Variants in EHMT1 observed in about 807,000 individuals in gnomAD.
The protein encoded by EHMT1 is euchromatic histone lysine methyltransferase 1.
Under a neutral mutation model 147.2 loss-of-function variants are expected in EHMT1, and 15 were observed. The observed-to-expected ratio is 0.10, with a 90% CI of 0.07 to 0.16. EHMT1 has a LOEUF of 0.16. Among genes scored for constraint, EHMT1 ranks in the 10% least tolerant of loss-of-function variants. The pLI, the probability that EHMT1 is intolerant of heterozygous loss-of-function variation, is 1.00. For missense variants in EHMT1, 1,587 were observed against 1,772.4 expected, an observed-to-expected ratio of 0.90 and a Z score of 1.88; for synonymous variants, 795 against 709.6, an observed-to-expected ratio of 1.12 and a Z score of -1.91.
At chr9:137,821,571 A>G (rs1312287350) in intron 25 of EHMT1, among the ~76,000 whole-genome samples, 2 of 151,832 alleles carry the variant, frequency 1.3e-5, no homozygotes, top group African/African-American at 2.4e-5. Flanking sequence ...GCCTCAGGCA[A>G]TCCTCCCACC....
At chr9:137,743,192 C>G in intron 4 of EHMT1, 179 bp from the exon 5 acceptor site, 1 of 647,248 alleles carries the variant, frequency 1.5e-6, no homozygotes, top group East Asian at 2.9e-5. Context: ...GTGAATTGAT[C>G]GTGAGGGAAG....
intron 10 of EHMT1, among the ~76,000 whole-genome samples, chr9:137,773,333 A>AT (rs1950714409): frequency 6.6e-6 from 1 of 150,912 alleles, no homozygotes; most frequent in African/African-American, 2.4e-5. Context: ...TGGAGGGGGC[A>AT]TTTTTTCAGG....
intron 14 of EHMT1, among the ~76,000 whole-genome samples, chr9:137,781,795 T>C (rs1337240268): frequency 2.0e-5 from 3 of 152,204 alleles, no homozygotes; most frequent in Non-Finnish European, 4.4e-5. Flanking sequence ...GGTTTATTTA[T>C]GTTGACCAGC....
In EHMT1 at chr9:137,813,141, C is replaced by T. The variant is rs1208722946; in HGVS notation, c.3003C>T (p.Asp1001=). The part of the protein sequence containing the change: ...MSKALQDSAP[D]RPSPVERIVS... ...AGGCTCTGCAGGACTCGGCCCCCGA[C>T]AGGCCCAGCCCCGTGGAGAGGATAG... Residue 1001 remains aspartate (D), a synonymous_variant, in exon 20 of 27, where the codon GAC becomes GAT. Transcript: ENST00000460843. The surrounding 1 kb of genome is among the most constrained non-coding windows in gnomAD (Gnocchi z 4.9). 2 of 1,611,800 alleles carry T rather than the reference C, an allele frequency of 1.2e-6. No individual in the cohort carries two copies. Among genetic ancestry groups the T allele is most frequent in the Non-Finnish European group, 1.7e-6 (2 of 1,180,008 alleles).
At chr9:137,750,910 A>G (rs574207648) in intron 6 of EHMT1, among the ~76,000 whole-genome samples, 21 of 152,276 alleles carry the variant, frequency 1.4e-4, no homozygotes, top group African/African-American at 4.1e-4. Flanking sequence ...TTTAATAACT[A>G]TGGTTGGGCC....
chr9:137,795,551 C>T (rs1036180885), intron 16 of EHMT1, among the ~76,000 whole-genome samples: 2 of 152,176 alleles, frequency 1.3e-5, no homozygotes, highest in East Asian at 1.9e-4. Context: ...ATTGAGGTAC[C>T]TGGAGAAAAC....
At chr9:137,721,610 C>A (rs1946061246) in intron 3 of EHMT1, among the ~76,000 whole-genome samples, 1 of 146,818 alleles carries the variant, frequency 6.8e-6, no homozygotes, top group Middle Eastern at 3.2e-3. Flanking sequence ...CCCTCTCCTA[C>A]ATCTCTCACC....
At chr9:137,763,314 G>C (rs985556634) in intron 10 of EHMT1, 1 of 236,418 alleles carries the variant, frequency 4.2e-6, no homozygotes, top group Non-Finnish European at 8.4e-6. Flanking sequence ...GGGGGGATCA[G>C]GCAGAGCACA....
chr9:137,820,069 T>C (rs1241978107), intron 25 of EHMT1: 1 of 152,222 alleles, frequency 6.6e-6, no homozygotes, highest in Non-Finnish European at 1.5e-5. Flanking sequence ...ATAAATCTTA[T>C]ACCTGGAGAA....
chr9:137,715,741 C>T (rs1369138539), intron 2 of EHMT1: 1 of 985,316 alleles, frequency 1.0e-6, no homozygotes, highest in Non-Finnish European at 1.2e-6. Context: ...GAGTGGAGAG[C>T]AGACCACGGA....
chr9:137,808,771 T>C (rs1333578810), intron 18 of EHMT1, among the ~76,000 whole-genome samples: 2 of 151,712 alleles, frequency 1.3e-5, no homozygotes, highest in East Asian at 3.9e-4. Flanking sequence ...AAATACAAAA[T>C]GATGAGCTGG....
Position 137,813,127 on chromosome 9 carries a change from G to A in EHMT1, c.2989G>A (p.Asp997Asn). The A allele has an allele frequency of 6.2e-7, 1 of 1,612,634 alleles. No individual in the cohort carries two copies. The highest frequency in any genetic ancestry group is 8.5e-7 in the Non-Finnish European group (1 of 1,180,018). ...SALQMSKALQ[D>N]SAPDRPSPVE... ...TCTGCAGATGAGCAAGGCTCTGCAGGACTCGGCCCCCGACAGGCCCAGCCC... is the reference window on the plus strand; with the variant it reads ...TCTGCAGATGAGCAAGGCTCTGCAGAACTCGGCCCCCGACAGGCCCAGCCC... Residue 997 changes from aspartate to asparagine, a missense_variant, in exon 20 of 27, where the codon GAC becomes AAC. This residue lies in a region of EHMT1 where 78 missense variants were observed against 68.9 expected (regional missense o/e 1.13). Coordinates refer to ENST00000460843, the MANE Select transcript of EHMT1 (RefSeq NM_024757.5). This position sits in a 1 kb window ranked among gnomAD's most constrained non-coding sequence, Gnocchi z 4.9.
In EHMT1 at chr9:137,811,353, T is replaced by G. The variant is rs73669182; in HGVS notation, c.2713-108T>G. Reference sequence around the variant, plus strand: ...TGGCCCTGCTGCGGACGGCCACGCATGCTCCAGAGCCTCTCCCCGGGCACA... The same window carrying G: ...TGGCCCTGCTGCGGACGGCCACGCAGGCTCCAGAGCCTCTCCCCGGGCACA... On this transcript the variant is annotated intron_variant, in intron 18 of 26. Transcript: ENST00000460843. 3 of 1,521,804 alleles carry G rather than the reference T, an allele frequency of 2.0e-6. No homozygotes were observed. The African/African-American group carries it at 4.1e-5, about 21-fold the overall frequency. The allele number at this position is 1,521,804 out of a possible 1,614,324, so 94.3% of individuals were successfully genotyped here.
chr9:137,816,080 GC>G lies in EHMT1; in HGVS notation c.3374+20del. ...GGTCTCAGGTGAGAGGCAGCTTCCTGCCGGAGCCCCACATTCTGCTCGTATT... is the reference window on the plus strand; with the variant it reads ...GGTCTCAGGTGAGAGGCAGCTTCCTGCGGAGCCCCACATTCTGCTCGTATT... On this transcript the variant is annotated intron_variant, in intron 23 of 26. Coordinates refer to ENST00000460843, the MANE Select transcript of EHMT1 (RefSeq NM_024757.5). 1 of 1,597,948 alleles carries G rather than the reference GC, an allele frequency of 6.3e-7. No individual in the cohort carries two copies. Among genetic ancestry groups the G allele is most frequent in the African/African-American group, 1.3e-5 (1 of 74,504 alleles).
chr9:137,761,558 A>G (rs1179199430), intron 9 of EHMT1, among the ~76,000 whole-genome samples: 1 of 152,088 alleles, frequency 6.6e-6, no homozygotes, highest in African/African-American at 2.4e-5. Context: ...GGTTCAAGTG[A>G]TTCTCCTGCC....
At position 137,731,833 on chromosome 9, in the gene EHMT1, A is replaced by C. The variant is rs1947138523; in HGVS notation, c.823+3304A>C. 6.6e-6 allele frequency among the ~76,000 whole-genome samples: 1 copy of C among 152,214 alleles called. No homozygotes were observed. The highest frequency in any genetic ancestry group is 2.4e-5 in the African/African-American group (1 of 41,460). On this transcript the variant is annotated intron_variant, in intron 4 of 26. Coordinates refer to ENST00000460843, the MANE Select transcript of EHMT1 (RefSeq NM_024757.5). The surrounding 1 kb of genome is among the most constrained non-coding windows in gnomAD (Gnocchi z 4.3). ...TGGTGTGGGGCCACTGTGCACAGCC[A>C]GGCCTGCTTGGCTGCTGTGGTGGGG...
At chr9:137,767,432 C>T (rs1320755887) in intron 10 of EHMT1, among the ~76,000 whole-genome samples, 3 of 152,146 alleles carry the variant, frequency 2.0e-5, no homozygotes, top group Non-Finnish European at 4.4e-5. Flanking sequence ...ATCACTTACT[C>T]AAAATGCTTG....
chr9:137,640,477 A>G (rs886793604), intron 1 of EHMT1, among the ~76,000 whole-genome samples: 2 of 151,818 alleles, frequency 1.3e-5, no homozygotes, highest in African/African-American at 2.4e-5. Flanking sequence ...GGGTCTTCCT[A>G]TGTTGCTCAG....
At chr9:137,624,367 TGGCATGC>T (rs1843124794) in intron 1 of EHMT1, among the ~76,000 whole-genome samples, 3 of 150,666 alleles carry the variant, frequency 2.0e-5, no homozygotes, top group African/African-American at 7.4e-5. Context: ...TTGCCCAGGC[TGGCATGC>T]AGTGGTGTGT....
Sources: gnomAD v4.1 joint callset for allele counts (sites outside exome capture counted in the v4.1 genomes callset) on GRCh38, gnomAD v4.1.1 for gene constraint, gnomAD v4.1.1 regional missense constraint, Gnocchi (gnomAD v3.1) non-coding constraint, MANE v1.5 for transcripts, NCBI Gene and HGNC (gene_info 2026-07-23, HGNC 2026-07-21) for gene names.